HORMAD2: variants seen among roughly 807,000 people sequenced by gnomAD.
HORMAD2 encodes the protein HORMA domain-containing protein 2.
HORMAD2 carries 45 observed loss-of-function variants against 38.8 expected under a neutral mutation model. The ratio of observed to expected loss-of-function variants is 1.16; its 90% CI spans 0.91 to 1.49. The LOEUF (loss-of-function observed/expected upper bound fraction) is 1.49, where lower values mean the gene tolerates loss of function less well. Ranked by LOEUF, HORMAD2 falls within the 40% of genes most tolerant of loss-of-function variation. The pLI, the probability that HORMAD2 is intolerant of heterozygous loss-of-function variation, is 0.00. For missense variants in HORMAD2, 338 were observed against 367.0 expected (o/e 0.92, Z 0.65); for synonymous variants, 126 against 122.8 (o/e 1.03, Z -0.17).
intron 10 of HORMAD2, chr22:30,137,378 C>A: frequency 2.1e-6 from 1 of 482,642 alleles, no homozygotes; most frequent in South Asian, 1.6e-5. Flanking sequence ...TCATACCAAT[C>A]TTTCTTAGAA....
intron 1 of HORMAD2, among the ~76,000 whole-genome samples, chr22:30,084,354 C>A (rs142647680): frequency 6.6e-6 from 1 of 152,142 alleles, no homozygotes; most frequent in South Asian, 2.1e-4. Context: ...AACAAATCCA[C>A]TCTCCTGATA....
intron 10 of HORMAD2, among the ~76,000 whole-genome samples, chr22:30,123,248 A>G (rs1274415219): frequency 6.6e-6 from 1 of 152,204 alleles, no homozygotes; most frequent in Admixed American, 6.5e-5. Flanking sequence ...TCCTCTTCCA[A>G]TTTCACCCAA....
At chr22:30,087,540 C>A (rs1162261535) in intron 1 of HORMAD2, among the ~76,000 whole-genome samples, 4 of 152,136 alleles carry the variant, frequency 2.6e-5, no homozygotes, top group African/African-American at 9.7e-5. Flanking sequence ...AAAGAAATTT[C>A]TGAGACTGGG....
chr22:30,139,286 A>ATATATC (rs1491312488), intron 10 of HORMAD2, among the ~76,000 whole-genome samples: 22 of 130,506 alleles, frequency 1.7e-4, no homozygotes, highest in South Asian at 9.9e-4. Context: ...ATATATATAT[A>ATATATC]TCCTCTGTCT....
intron 10 of HORMAD2, among the ~76,000 whole-genome samples, chr22:30,172,772 CA>C (rs1468098440): frequency 2.6e-5 from 4 of 151,912 alleles, no homozygotes; most frequent in Non-Finnish European, 5.9e-5. Flanking sequence ...CCTGTAATCC[CA>C]GCTACTTGGG....
At chr22:30,158,649 GTCTC>G (rs1342478310) in intron 10 of HORMAD2, among the ~76,000 whole-genome samples, 9 of 107,024 alleles carry the variant, frequency 8.4e-5, no homozygotes, top group African/African-American at 1.6e-4. Flanking sequence ...CTCCCTTCCT[GTCTC>G]TCTCTATCTC....
chr22:30,112,638 A>G, intron 7 of HORMAD2, 116 bp downstream of exon 7: 1 of 450,730 alleles, frequency 2.2e-6, no homozygotes, highest in Non-Finnish European at 4.0e-6. Flanking sequence ...CAGAGGAACT[A>G]ATAGTGGGCT....
At chr22:30,145,787 C>T (rs557882620) in intron 10 of HORMAD2, among the ~76,000 whole-genome samples, 1 of 152,244 alleles carries the variant, frequency 6.6e-6, no homozygotes, top group Admixed American at 6.5e-5. Context: ...ATGTTACAAA[C>T]TGATGAATTA....
At chr22:30,182,753 C>T in the HORMAD2 span, among the ~76,000 whole-genome samples, 1 of 151,998 alleles carries the variant, frequency 6.6e-6, no homozygotes, top group African/African-American at 2.4e-5. Context: ...CAGCAAGATT[C>T]CATCTTTAAA....
At chr22:30,102,169 A>G (rs1393017873) in intron 3 of HORMAD2, among the ~76,000 whole-genome samples, 1 of 152,238 alleles carries the variant, frequency 6.6e-6, no homozygotes, top group Non-Finnish European at 1.5e-5. Context: ...CCTCATTTGT[A>G]TTATGACATC....
At chr22:30,080,884 A>G (rs924779825) in intron 1 of HORMAD2, 1 of 152,392 alleles carries the variant, frequency 6.6e-6, no homozygotes, top group Non-Finnish European at 1.5e-5. Context: ...GGGGAAGTTT[A>G]TCTTACCTGG....
At chr22:30,106,405 A>C (rs1367020554) in intron 5 of HORMAD2, among the ~76,000 whole-genome samples, 1 of 152,176 alleles carries the variant, frequency 6.6e-6, no homozygotes, top group African/African-American at 2.4e-5. Context: ...AAAGTGATGC[A>C]TGCCAAAAGA....
At chr22:30,118,897 A>T (rs2146123459) in intron 7 of HORMAD2, 83 bp from the exon 8 acceptor site, 1 of 890,728 alleles carries the variant, frequency 1.1e-6, no homozygotes. Flanking sequence ...ATACAGTGAA[A>T]ATGTTCCTTA....
the HORMAD2 span, chr22:30,207,000 C>G: frequency 2.2e-6 from 1 of 462,222 alleles, no homozygotes; most frequent in Middle Eastern, 3.3e-4. Context: ...TCGGCAGAGA[C>G]AGAGCCCCAG....
In HORMAD2 at chr22:30,093,464, A is replaced by G. The variant is rs143579067; in HGVS notation, c.-37-452A>G. Among the ~76,000 whole-genome samples the G allele has an allele frequency of 5.0e-3, 765 of 152,262 alleles. 26 individuals carry two copies. Among genetic ancestry groups the G allele is most frequent in the Admixed American group, 0.045 (685 of 15,284 alleles). ...ATATTGAGTCTCTAGGTGATTTACA[A>G]TGTATTTTCTCCTCTGAATATATTT... On this transcript the variant is annotated intron_variant, in intron 1 of 10. Coordinates refer to ENST00000336726, the MANE Select transcript of HORMAD2 (RefSeq NM_152510.4).
chr22:30,105,644 C>CA (rs1179727426), intron 5 of HORMAD2, among the ~76,000 whole-genome samples: 2 of 152,126 alleles, frequency 1.3e-5, no homozygotes, highest in Non-Finnish European at 2.9e-5. Flanking sequence ...CCTAGGGATA[C>CA]AAAGATAAAA....
chr22:30,198,582 C>G, the HORMAD2 span, among the ~76,000 whole-genome samples: 1 of 151,968 alleles, frequency 6.6e-6, no homozygotes, highest in Non-Finnish European at 1.5e-5. Flanking sequence ...AGGCCAGCCC[C>G]TAATGCAGTC....
At chr22:30,094,045 GAGTT>G (rs2068738925) in intron 2 of HORMAD2, 42 bp downstream of exon 2, 8 of 1,346,382 alleles carry the variant, frequency 5.9e-6, no homozygotes, top group Non-Finnish European at 8.4e-6. Context: ...ACCATTTAGT[GAGTT>G]AGTTCAGAAT....
At chr22:30,178,193 C>T (rs529914809), downstream of HORMAD2, among the ~76,000 whole-genome samples, 2 of 152,348 alleles carry the variant, frequency 1.3e-5, no homozygotes, top group African/African-American at 4.8e-5. Context: ...GAATTGAGCT[C>T]ATAATCTGTA....
Sources: allele counts gnomAD v4.1 joint callset (sites outside exome capture counted in the v4.1 genomes callset), GRCh38; gene constraint gnomAD v4.1.1; transcripts MANE v1.5; gene names NCBI Gene and HGNC (gene_info 2026-07-23, HGNC 2026-07-21).